Variants in CTNNA3 observed in about 807,000 individuals in gnomAD.
CTNNA3 encodes the protein catenin alpha 3.
CTNNA3 carries 76 observed loss-of-function variants against 95.7 expected under a neutral mutation model. The ratio of observed to expected loss-of-function variants is 0.79; its 90% confidence interval spans 0.66 to 0.96. The LOEUF (loss-of-function observed/expected upper bound fraction) is 0.96, where lower values mean the gene tolerates loss of function less well. CTNNA3 is among the 40% of genes least tolerant of loss of function. CTNNA3 has a pLI of 0.00. For synonymous variants in CTNNA3, 431 were observed against 374.4 expected (o/e 1.15, Z -1.74); for missense variants, 1,191 against 1,089.8 (o/e 1.09, Z -1.31).
chr10:67,686,688 G>C (rs765312754), intron 1 of CTNNA3, among the ~76,000 whole-genome samples: 2 of 152,166 alleles, frequency 1.3e-5, no homozygotes, highest in Non-Finnish European at 2.9e-5. Flanking sequence ...CCTGTAAACA[G>C]TGAGGCCAGA....
At position 66,380,258 on chromosome 10, in the gene CTNNA3, C is replaced by T. The variant is rs371374082; in HGVS notation, c.1532-906G>A. 4.6e-4 allele frequency among the ~76,000 whole-genome samples: 70 copies of T among 151,984 alleles called. 1 individual carries two copies. In the South Asian group the frequency reaches 0.014, roughly 31 times the overall value. ...GTGCTGACTATGTGTGTGTTTGCTA[C>T]AAAGGACAATTATTCTTCAGTTTTC... On this transcript the variant is annotated intron_variant, in intron 11 of 17. Coordinates refer to ENST00000433211, the MANE Select transcript of CTNNA3 (RefSeq NM_013266.4).
intron 1 of CTNNA3, among the ~76,000 whole-genome samples, chr10:67,723,042 A>G (rs1164771115): frequency 7.1e-6 from 1 of 141,172 alleles, no homozygotes; most frequent in Non-Finnish European, 1.5e-5. Context: ...GTTGCAGTCC[A>G]GTGGCGTAAT....
intron 15 of CTNNA3, among the ~76,000 whole-genome samples, chr10:66,033,703 A>T (rs993126449): frequency 4.0e-5 from 6 of 151,874 alleles, no homozygotes; most frequent in Non-Finnish European, 8.8e-5. Context: ...ATAGGCTTGG[A>T]ATGGAAGAAC....
chr10:67,013,167 A>G (rs1852446866), intron 7 of CTNNA3: 1 of 152,186 alleles, frequency 6.6e-6, no homozygotes, highest in Non-Finnish European at 1.5e-5. Flanking sequence ...AAAGTCAAAA[A>G]TGCTAATGGG....
intron 10 of CTNNA3, among the ~76,000 whole-genome samples, chr10:66,549,972 G>A (rs1842164515): frequency 6.6e-6 from 1 of 152,106 alleles, no homozygotes; most frequent in African/African-American, 2.4e-5. Context: ...ATACTAATAA[G>A]ATAAAGACGT....
At chr10:66,270,865 C>T in intron 13 of CTNNA3, among the ~76,000 whole-genome samples, 1 of 152,042 alleles carries the variant, frequency 6.6e-6, no homozygotes. Context: ...AGCCAGCAGG[C>T]CAATGTGTCT....
chr10:66,937,184 T>G (rs1173445713), intron 7 of CTNNA3, among the ~76,000 whole-genome samples: 2 of 152,154 alleles, frequency 1.3e-5, no homozygotes, highest in African/African-American at 4.8e-5. Context: ...ACTTGGACTA[T>G]GGATCCAGTT....
intron 11 of CTNNA3, among the ~76,000 whole-genome samples, chr10:66,479,979 C>CACACACACACACA (rs1565003130): frequency 1.4e-5 from 2 of 146,430 alleles, no homozygotes; most frequent in African/African-American, 5.4e-5. Context: ...CACACACACA[C>CACACACACACACA]CCCAGAACTT....
At chr10:66,574,697 G>A (rs913062689) in intron 10 of CTNNA3, among the ~76,000 whole-genome samples, 2 of 152,008 alleles carry the variant, frequency 1.3e-5, no homozygotes, top group Non-Finnish European at 2.9e-5. Context: ...AAACACTTAG[G>A]AAATATAATT....
intron 7 of CTNNA3, among the ~76,000 whole-genome samples, chr10:67,129,538 C>T (rs1004414262): frequency 1.3e-5 from 2 of 152,062 alleles, no homozygotes; most frequent in African/African-American, 4.8e-5. Flanking sequence ...CCCACGTCTA[C>T]ATAAGAAGCT....
At chr10:66,333,393 T>G (rs529594968) in intron 12 of CTNNA3, among the ~76,000 whole-genome samples, 182 of 152,100 alleles carry the variant, frequency 1.2e-3, no homozygotes, top group African/African-American at 4.3e-3. Context: ...TCTACACACT[T>G]CTTTGAATGT....
chr10:66,044,281 G>C (rs1176803658), intron 15 of CTNNA3, among the ~76,000 whole-genome samples: 2 of 152,184 alleles, frequency 1.3e-5, no homozygotes, highest in Non-Finnish European at 2.9e-5. Flanking sequence ...ATGAGCCACT[G>C]TGCCCGGCCT....
chr10:67,163,527 CA>C (rs1175147279), intron 7 of CTNNA3, among the ~76,000 whole-genome samples: 5 of 151,862 alleles, frequency 3.3e-5, no homozygotes, highest in Non-Finnish European at 5.9e-5. Flanking sequence ...TATTTAATGG[CA>C]AAAGACTGAA....
At chr10:66,395,541 T>C (rs2092968980) in intron 11 of CTNNA3, among the ~76,000 whole-genome samples, 1 of 152,008 alleles carries the variant, frequency 6.6e-6, no homozygotes, top group African/African-American at 2.4e-5. Flanking sequence ...GGCAAAAAGA[T>C]ATGGCTTAAA....
Position 67,341,920 on chromosome 10 carries a change from C to T in CTNNA3, c.580-122050G>A, listed in dbSNP as rs1842204486. Reference sequence around the variant, plus strand: ...CGGTGAGATGATGTATAATTATAGTCTTGCTTTGCATTTTTCTGATGAGCA... The same window carrying T: ...CGGTGAGATGATGTATAATTATAGTTTTGCTTTGCATTTTTCTGATGAGCA... On this transcript the variant is annotated intron_variant, in intron 5 of 17. Coordinates refer to ENST00000433211, the MANE Select transcript of CTNNA3 (RefSeq NM_013266.4). 2.0e-5 allele frequency among the ~76,000 whole-genome samples: 3 copies of T among 151,934 alleles called. No individual in the cohort carries two copies. The South Asian group carries it at 6.2e-4, about 32-fold the overall frequency.
At chr10:67,684,146 T>C (rs1163749884) in intron 1 of CTNNA3, among the ~76,000 whole-genome samples, 2 of 152,212 alleles carry the variant, frequency 1.3e-5, no homozygotes, top group Non-Finnish European at 2.9e-5. Context: ...GAGCGCTGAT[T>C]GGTCCGTTTT....
chr10:66,324,842 G>A (rs978660793), intron 12 of CTNNA3, among the ~76,000 whole-genome samples: 1 of 143,236 alleles, frequency 7.0e-6, no homozygotes, highest in African/African-American at 2.6e-5. Context: ...AACTAAGGTA[G>A]AACCAAGCAC....
At chr10:67,065,678 A>G (rs1178369573) in intron 7 of CTNNA3, among the ~76,000 whole-genome samples, 3 of 152,078 alleles carry the variant, frequency 2.0e-5, no homozygotes, top group Non-Finnish European at 4.4e-5. Context: ...TTCCCCAAGC[A>G]TGAGCCACGG....
intron 3 of CTNNA3, among the ~76,000 whole-genome samples, chr10:67,544,739 A>G (rs140760204): frequency 6.7e-4 from 102 of 152,314 alleles, no homozygotes; most frequent in Non-Finnish European, 1.2e-3. Flanking sequence ...GGAAAACTTC[A>G]TAACTCATGG....
Sources: allele counts gnomAD v4.1 joint callset (sites outside exome capture counted in the v4.1 genomes callset), GRCh38; gene constraint gnomAD v4.1.1; transcripts MANE v1.5; gene names NCBI Gene and HGNC (gene_info 2026-07-23, HGNC 2026-07-21).